Variants in ARHGAP15 observed in about 807,000 individuals in gnomAD.
ARHGAP15 encodes the protein rho GTPase-activating protein 15.
In ARHGAP15, 51 loss-of-function variants were observed where a neutral mutation model predicts 63.7. The observed-to-expected ratio is 0.80, with a 90% confidence interval of 0.64 to 1.01. ARHGAP15 has a LOEUF of 1.01. Ranked by LOEUF, ARHGAP15 falls within the 50% of genes least tolerant of loss-of-function variation. The pLI, the probability that ARHGAP15 is intolerant of heterozygous loss-of-function variation, is 0.00. For missense variants in ARHGAP15, 560 were observed against 564.6 expected, an observed-to-expected ratio of 0.99 and a Z score of 0.08; for synonymous variants, 191 against 193.8, an observed-to-expected ratio of 0.99 and a Z score of 0.12.
At chr2:143,175,196 G>T (rs1369799380) in intron 2 of ARHGAP15, among the ~76,000 whole-genome samples, 1 of 152,060 alleles carries the variant, frequency 6.6e-6, no homozygotes, top group African/African-American at 2.4e-5. Context: ...CTAAACCAAT[G>T]AACTGAGAGT....
chr2:143,593,991 C>G (rs187552055), intron 11 of ARHGAP15, among the ~76,000 whole-genome samples: 1 of 152,226 alleles, frequency 6.6e-6, no homozygotes, highest in Non-Finnish European at 1.5e-5. Flanking sequence ...TTATTTAACT[C>G]TTAAGCAGAA....
chr2:143,140,883 C>T (rs1454130696), intron 1 of ARHGAP15, among the ~76,000 whole-genome samples: 1 of 152,110 alleles, frequency 6.6e-6, no homozygotes. Flanking sequence ...GTGCTGTCCA[C>T]AGAAAGCTTG....
intron 8 of ARHGAP15, among the ~76,000 whole-genome samples, chr2:143,455,251 A>G (rs1690591510): frequency 6.6e-6 from 1 of 152,098 alleles, no homozygotes; most frequent in African/African-American, 2.4e-5. Flanking sequence ...GGAACTTTTT[A>G]GAACATGCTA....
intron 6 of ARHGAP15, among the ~76,000 whole-genome samples, chr2:143,381,693 G>A (rs897806813): frequency 6.6e-6 from 1 of 152,094 alleles, no homozygotes; most frequent in Admixed American, 6.6e-5. Flanking sequence ...TATAGACTAT[G>A]ACCATCCTCT....
chr2:143,592,890 C>T (rs1697374957), intron 11 of ARHGAP15, among the ~76,000 whole-genome samples: 1 of 152,156 alleles, frequency 6.6e-6, no homozygotes, highest in African/African-American at 2.4e-5. Context: ...AGGGAATTGC[C>T]TTTGGTTACA....
intron 1 of ARHGAP15, among the ~76,000 whole-genome samples, chr2:143,137,182 G>C (rs968163069): frequency 1.3e-5 from 2 of 152,058 alleles, no homozygotes; most frequent in African/African-American, 4.8e-5. Context: ...TTTGGCTATG[G>C]AATTTATTAT....
At chr2:143,285,730 A>C (rs1032038869) in intron 6 of ARHGAP15, among the ~76,000 whole-genome samples, 2 of 152,098 alleles carry the variant, frequency 1.3e-5, no homozygotes, top group Admixed American at 1.3e-4. Context: ...AGCATTTCAG[A>C]ACACTGAAAA....
intron 10 of ARHGAP15, among the ~76,000 whole-genome samples, chr2:143,546,933 G>A (rs528582733): frequency 6.6e-6 from 1 of 152,046 alleles, no homozygotes; most frequent in African/African-American, 2.4e-5. Flanking sequence ...TTAAAAAAAA[G>A]AAGATGTAAG....
chr2:143,473,516 G>T (rs1558995555), intron 8 of ARHGAP15, among the ~76,000 whole-genome samples: 1 of 152,122 alleles, frequency 6.6e-6, no homozygotes, highest in Non-Finnish European at 1.5e-5. Flanking sequence ...CAGTTTGGAG[G>T]ATTAAGGGAC....
chr2:143,138,214 G>A (rs189677635), intron 1 of ARHGAP15, among the ~76,000 whole-genome samples: 1 of 151,810 alleles, frequency 6.6e-6, no homozygotes, highest in Admixed American at 6.6e-5. Flanking sequence ...AATTGCATTT[G>A]GTATCCACAA....
chr2:143,164,764 G>A (rs1447887893), intron 2 of ARHGAP15, among the ~76,000 whole-genome samples: 1 of 148,024 alleles, frequency 6.8e-6, no homozygotes, highest in East Asian at 2.0e-4. Context: ...TTTTTTTTCT[G>A]GAGAAAAAGC....
chr2:143,283,002 G>T (rs879751627), intron 6 of ARHGAP15, among the ~76,000 whole-genome samples: 2 of 152,088 alleles, frequency 1.3e-5, no homozygotes, highest in Non-Finnish European at 2.9e-5. Context: ...ATTGTTTTCC[G>T]TGAAAGCTAA....
At chr2:143,347,430 A>G (rs1196241104) in intron 6 of ARHGAP15, among the ~76,000 whole-genome samples, 1 of 152,048 alleles carries the variant, frequency 6.6e-6, no homozygotes, top group Non-Finnish European at 1.5e-5. Flanking sequence ...TGTCCTAATG[A>G]TGGGTTTTCG....
intron 8 of ARHGAP15, among the ~76,000 whole-genome samples, chr2:143,471,103 GTA>G (rs1189208209): frequency 2.7e-5 from 4 of 147,730 alleles, no homozygotes; most frequent in Admixed American, 1.3e-4. Flanking sequence ...ATACACATGT[GTA>G]TATATACACA....
chr2:143,567,185 C>T lies in ARHGAP15; in HGVS notation c.1003+10700C>T, dbSNP rs187697015. ...CCACAGCGTGCTTCTTTATCTATCA[C>T]CTCAGTGCTTGCCTTCCTCCTCCAC... is the stretch of plus-strand genomic sequence containing the variant. On this transcript the variant is annotated intron_variant, in intron 11 of 13. Transcript: ENST00000295095. Among the ~76,000 whole-genome samples the T allele has an allele frequency of 1.9e-3, 282 of 152,228 alleles. 2 individuals carry two copies. The highest frequency in any genetic ancestry group is 6.7e-3 in the African/African-American group (280 of 41,560).
chr2:143,231,342 C>G (rs1693432948), intron 5 of ARHGAP15, among the ~76,000 whole-genome samples: 1 of 152,022 alleles, frequency 6.6e-6, no homozygotes, highest in Non-Finnish European at 1.5e-5. Flanking sequence ...TGACCTGATT[C>G]AGACATTTAT....
chr2:143,357,698 A>G (rs1054387414), intron 6 of ARHGAP15, among the ~76,000 whole-genome samples: 2 of 152,240 alleles, frequency 1.3e-5, no homozygotes, highest in East Asian at 1.9e-4. Flanking sequence ...AGTTGAGTAT[A>G]GTAAAAATTA....
chr2:143,639,567 A>G (rs1039547249), intron 12 of ARHGAP15, among the ~76,000 whole-genome samples: 1 of 152,116 alleles, frequency 6.6e-6, no homozygotes, highest in Admixed American at 6.5e-5. Context: ...AACAACAACA[A>G]TCAAGCTCCC....
At chr2:143,275,604 T>C (rs1413967895) in intron 6 of ARHGAP15, among the ~76,000 whole-genome samples, 1 of 152,212 alleles carries the variant, frequency 6.6e-6, no homozygotes, top group East Asian at 1.9e-4. Context: ...GAGCAATTTT[T>C]CCTTAAGGCA....
Sources: allele counts gnomAD v4.1 joint callset (sites outside exome capture counted in the v4.1 genomes callset), GRCh38; gene constraint gnomAD v4.1.1; transcripts MANE v1.5; gene names NCBI Gene and HGNC (gene_info 2026-07-23, HGNC 2026-07-21).